Variants in TBPL2 observed in about 807,000 individuals in gnomAD.
The protein encoded by TBPL2 is TATA-box binding protein like 2.
TBPL2 carries 40 observed loss-of-function variants against 38.2 expected under a neutral mutation model. The ratio of observed to expected loss-of-function variants is 1.05; its 90% CI spans 0.81 to 1.36. The LOEUF is 1.36. Among genes scored for constraint, TBPL2 ranks in the 40% most tolerant of loss-of-function variants. The pLI, the probability that TBPL2 is intolerant of heterozygous loss-of-function variation, is 0.00. For missense variants in TBPL2, 461 were observed against 456.7 expected (o/e 1.01, Z -0.09); for synonymous variants, 169 against 171.7 (o/e 0.98, Z 0.12).
exon 7 of TBPL2, chr14:55,414,404 A>G (rs1456528644): frequency 6.8e-6 from 11 of 1,607,490 alleles, no homozygotes; most frequent in Non-Finnish European, 9.3e-6. Flanking sequence ...ACCTTTTAGA[A>G]TAGGATAGAT....
intron 5 of TBPL2, among the ~76,000 whole-genome samples, chr14:55,428,063 C>T (rs1594791865): frequency 6.7e-6 from 1 of 149,462 alleles, no homozygotes; most frequent in East Asian, 2.0e-4. Flanking sequence ...ATCCATTCTC[C>T]CCTCACCAGC....
chr14:55,429,113 C>A, intron 4 of TBPL2, 139 bp from the exon 5 acceptor site: 1 of 1,038,816 alleles, frequency 9.6e-7, no homozygotes, highest in Non-Finnish European at 1.4e-6. Flanking sequence ...GTGAGGAGGA[C>A]TTACTTCCCA....
intron 1 of TBPL2, among the ~76,000 whole-genome samples, chr14:55,437,625 A>G (rs1043486805): frequency 1.3e-5 from 2 of 152,268 alleles, no homozygotes; most frequent in Admixed American, 6.5e-5. Context: ...ATTTTGCAAT[A>G]GAGGCAATTG....
At position 55,418,335 on chromosome 14, in the gene TBPL2, C is replaced by T. The variant is rs1289141487; in HGVS notation, c.1052-3880G>A. Among the ~76,000 whole-genome samples the T allele has an allele frequency of 2.0e-5, 3 of 152,230 alleles. No individual in the cohort carries two copies. The East Asian group carries it at 5.8e-4, about 29-fold the overall frequency. On this transcript the variant is annotated intron_variant, in intron 6 of 6. Transcript: ENST00000247219. ...ATAAGGTTTATAAGTTCATCCCTAC[C>T]CCTTAGTCAGCTCCAAATATCAACC... is the stretch of plus-strand genomic sequence containing the variant.
At chr14:55,435,918 C>G in exon 3 of TBPL2, 2 of 1,575,230 alleles carry the variant, frequency 1.3e-6, no homozygotes, top group Non-Finnish European at 1.7e-6. Context: ...GCCAGGTTTA[C>G]AGTGGAAACT....
chr14:55,436,483 T>G, intron 2 of TBPL2, 78 bp downstream of exon 2: 4 of 1,251,174 alleles, frequency 3.2e-6, no homozygotes, highest in Non-Finnish European at 4.5e-6. Context: ...ACTATTATCC[T>G]GAAATTAGTT....
chr14:55,426,796 A>G (rs1180379761), intron 5 of TBPL2, among the ~76,000 whole-genome samples: 1 of 152,072 alleles, frequency 6.6e-6, no homozygotes, highest in African/African-American at 2.4e-5. Context: ...GGATGGGCCC[A>G]CTCCGTCTGA....
intron 5 of TBPL2, among the ~76,000 whole-genome samples, chr14:55,427,285 G>GA (rs533208190): frequency 2.6e-5 from 4 of 151,852 alleles, no homozygotes; most frequent in South Asian, 2.1e-4. Context: ...AGCATACAGT[G>GA]AAAAAACTGA....
At chr14:55,416,057 C>T (rs1885664223) in intron 6 of TBPL2, among the ~76,000 whole-genome samples, 1 of 151,948 alleles carries the variant, frequency 6.6e-6, no homozygotes, top group Admixed American at 6.6e-5. Context: ...AGACAGAATT[C>T]AGATTGGTAG....
chr14:55,414,472 G>A lies in TBPL2; in HGVS notation c.1052-17C>T, dbSNP rs1378995307. On this transcript the variant is annotated splice_polypyrimidine_tract_variant and intron_variant, in intron 6 of 6. Coordinates refer to ENST00000247219, the Ensembl canonical transcript of TBPL2. The stretch of plus-strand genomic sequence containing the variant: ...CTTTGGCACCTATAAAGAAATCCAG[G>A]TTTATATAATTTTTAATATAAAAAT... The A allele has an allele frequency of 6.4e-7, 1 of 1,561,434 alleles. No individual in the cohort carries two copies. Among genetic ancestry groups the A allele is most frequent in the Admixed American group, 1.9e-5 (1 of 53,360 alleles).
At chr14:55,433,564 C>G in intron 4 of TBPL2, 66 bp downstream of exon 4, 2 of 1,466,442 alleles carry the variant, frequency 1.4e-6, no homozygotes, top group Non-Finnish European at 1.9e-6. Flanking sequence ...CACATTAATT[C>G]TATGCTTCCT....
At chr14:55,423,862 C>A (rs1291887352) in intron 6 of TBPL2, among the ~76,000 whole-genome samples, 1 of 151,984 alleles carries the variant, frequency 6.6e-6, no homozygotes, top group Non-Finnish European at 1.5e-5. Context: ...CCATTAAAAG[C>A]CTTTATGAAG....
chr14:55,436,441 A>T (rs1886013476), intron 2 of TBPL2, 120 bp downstream of exon 2: 3 of 948,716 alleles, frequency 3.2e-6, no homozygotes, highest in Non-Finnish European at 4.7e-6. Flanking sequence ...CTGATAAAAC[A>T]AAGAATTATG....
chr14:55,428,718 T>A (rs1198059419), intron 5 of TBPL2, 89 bp downstream of exon 5: 5 of 1,350,058 alleles, frequency 3.7e-6, no homozygotes, highest in African/African-American at 2.9e-5. Flanking sequence ...TTAATCACAA[T>A]TTCTCTGAAA....
At chr14:55,435,439 C>T (rs933563288) in intron 3 of TBPL2, among the ~76,000 whole-genome samples, 1 of 152,058 alleles carries the variant, frequency 6.6e-6, no homozygotes, top group Non-Finnish European at 1.5e-5. Context: ...CAACATCCAG[C>T]TAATTTTTGT....
intron 4 of TBPL2, 31 bp from the exon 5 acceptor site, chr14:55,429,005 C>G (rs759984825): frequency 1.2e-6 from 2 of 1,611,260 alleles, no homozygotes; most frequent in Non-Finnish European, 1.7e-6. Context: ...TTAAAGATGT[C>G]TTAATCGCTA....
intron 6 of TBPL2, among the ~76,000 whole-genome samples, chr14:55,423,704 A>G (rs1300398710): frequency 6.6e-6 from 1 of 152,248 alleles, no homozygotes; most frequent in Non-Finnish European, 1.5e-5. Flanking sequence ...ATTCCTTTAT[A>G]TAATGTAACA....
intron 6 of TBPL2, among the ~76,000 whole-genome samples, chr14:55,416,394 C>A (rs907807950): frequency 4.0e-5 from 6 of 151,734 alleles, no homozygotes; most frequent in African/African-American, 1.2e-4. Flanking sequence ...GAGTTTGAGA[C>A]CAGCCCGGGT....
chr14:55,425,442 T>C (rs964877982), intron 5 of TBPL2, among the ~76,000 whole-genome samples: 1 of 152,250 alleles, frequency 6.6e-6, no homozygotes, highest in African/African-American at 2.4e-5. Context: ...AACTTTGGTA[T>C]GTAAATGATA....
Sources: gnomAD v4.1 joint callset for allele counts (sites outside exome capture counted in the v4.1 genomes callset) on GRCh38, gnomAD v4.1.1 for gene constraint, MANE v1.5 for transcripts, NCBI Gene and HGNC (gene_info 2026-07-23, HGNC 2026-07-21) for gene names.